The following OSBPL11 variants were observed in gnomAD, a reference collection of about 807,000 sequenced individuals.
OSBPL11 encodes oxysterol-binding protein-related protein 11.
Under a neutral mutation model 84.4 loss-of-function variants are expected in OSBPL11, and 33 were observed. That is an observed-to-expected ratio of 0.39 (90% CI 0.30 to 0.52). The LOEUF is 0.52. OSBPL11 is among the 20% of genes least tolerant of loss of function. The probability of loss-of-function intolerance (pLI) is 0.72; values close to 1 mark genes in which losing one functional copy is unlikely to be tolerated. For missense variants in OSBPL11, 736 were observed against 901.1 expected, an observed-to-expected ratio of 0.82 and a Z score of 2.35; for synonymous variants, 276 against 310.2, an observed-to-expected ratio of 0.89 and a Z score of 1.16.
chr3:125,549,900 A>AAT (rs1935874558), intron 9 of OSBPL11, among the ~76,000 whole-genome samples: 1 of 152,134 alleles, frequency 6.6e-6, no homozygotes, highest in East Asian at 1.9e-4. Context: ...AGTGTCAAAG[A>AAT]ATATGGTTCT....
intron 5 of OSBPL11, among the ~76,000 whole-genome samples, chr3:125,575,399 T>C (rs1372813246): frequency 1.3e-5 from 2 of 152,154 alleles, no homozygotes; most frequent in African/African-American, 4.8e-5. Context: ...TTGTTTGTTT[T>C]GTTTTGTTTT....
At chr3:125,585,719 G>C (rs1936499264) in intron 1 of OSBPL11, among the ~76,000 whole-genome samples, 1 of 152,158 alleles carries the variant, frequency 6.6e-6, no homozygotes, top group African/African-American at 2.4e-5. Context: ...GGAACAGCTG[G>C]TTGCAATGTC....
intron 10 of OSBPL11, among the ~76,000 whole-genome samples, chr3:125,542,761 C>A (rs114156289): frequency 1.3e-5 from 2 of 152,102 alleles, no homozygotes; most frequent in Non-Finnish European, 1.5e-5. Context: ...CTACCCGCCT[C>A]GGCCTGACAA....
intron 5 of OSBPL11, 98 bp downstream of exon 5, chr3:125,576,091 G>A (rs1936317402): frequency 2.0e-6 from 2 of 1,012,492 alleles, no homozygotes; most frequent in South Asian, 1.5e-5. Context: ...AACAATGAAG[G>A]CCCTTGAAGA....
intron 12 of OSBPL11, 29 bp from the exon 13 acceptor site, chr3:125,530,609 T>C (rs1935542309): frequency 6.4e-7 from 1 of 1,565,658 alleles, no homozygotes; most frequent in Admixed American, 1.7e-5. Flanking sequence ...TAAAGAATCA[T>C]CCCTCTAATA....
chr3:125,576,077 A>T, intron 5 of OSBPL11, 112 bp downstream of exon 5: 1 of 910,048 alleles, frequency 1.1e-6, no homozygotes, highest in Non-Finnish European at 1.7e-6. Flanking sequence ...CATACTAGAT[A>T]GGAAACAATG....
At chr3:125,561,100 C>T (rs549509374) in intron 7 of OSBPL11, among the ~76,000 whole-genome samples, 9 of 152,110 alleles carry the variant, frequency 5.9e-5, no homozygotes, top group Admixed American at 2.0e-4. Context: ...TGGGTTCAAG[C>T]GATTCTCCTG....
intron 5 of OSBPL11, among the ~76,000 whole-genome samples, chr3:125,575,218 G>C (rs1936303956): frequency 6.6e-6 from 1 of 151,916 alleles, no homozygotes; most frequent in African/African-American, 2.4e-5. Context: ...TTAATATTTA[G>C]AACTTAACAA....
intron 1 of OSBPL11, among the ~76,000 whole-genome samples, chr3:125,589,022 C>T (rs959998179): frequency 6.6e-6 from 1 of 152,182 alleles, no homozygotes; most frequent in African/African-American, 2.4e-5. Flanking sequence ...TAGAATTTCA[C>T]TTTTAGGTAT....
intron 1 of OSBPL11, among the ~76,000 whole-genome samples, chr3:125,585,910 C>T (rs1047039196): frequency 6.6e-6 from 1 of 152,154 alleles, no homozygotes; most frequent in East Asian, 1.9e-4. Flanking sequence ...CACAGTATCT[C>T]TAACTCTCAT....
rs925800255 is a variant in OSBPL11, at chr3:125,595,105, G to C, written c.-305C>G. On this transcript the variant is annotated 5_prime_UTR_variant, in exon 1 of 13. Coordinates refer to ENST00000296220, the MANE Select transcript of OSBPL11 (RefSeq NM_022776.5). ...AGACTTAAGTGACATACTCAAAAGA[G>C]AAGGAGTGTGGGGAGGTCGCAGATT... 30 of 252,452 alleles carry C rather than the reference G, an allele frequency of 1.2e-4. No homozygotes were observed. The highest frequency in any genetic ancestry group is 6.4e-4 in the African/African-American group (29 of 45,328). 15.6% of individuals were successfully genotyped at this position (252,452 alleles called of 1,614,324 possible). A position where few individuals can be genotyped will look rare whatever the true frequency, so the allele number is the denominator to read the frequency against.
Position 125,529,379 on chromosome 3 carries a change from A to G in OSBPL11, c.*1136T>C, listed in dbSNP as rs946097021. 1 of 152,136 alleles carries G rather than the reference A, an allele frequency of 6.6e-6. No individual in the cohort carries two copies. The highest frequency in any genetic ancestry group is 1.5e-5 in the Non-Finnish European group (1 of 68,036). The allele number at this position is 152,136 out of a possible 1,614,324, so 9.4% of individuals were successfully genotyped here. A position where few individuals can be genotyped will look rare whatever the true frequency, so the allele number is the denominator to read the frequency against. On this transcript the variant is annotated 3_prime_UTR_variant, in exon 13 of 13. Coordinates refer to ENST00000296220, the MANE Select transcript of OSBPL11 (RefSeq NM_022776.5). The stretch of plus-strand genomic sequence containing the variant: ...TATTTAAAAAAAGATTTGTACCTGA[A>G]TACAACTTCCTGATCTTTTTTTCCT...
chr3:125,571,586 G>A (rs573114950), intron 5 of OSBPL11, among the ~76,000 whole-genome samples: 2 of 151,968 alleles, frequency 1.3e-5, no homozygotes, highest in African/African-American at 4.8e-5. Context: ...TAGAGACTTG[G>A]TGCCCTGTGT....
chr3:125,543,647 T>C (rs1935767593), intron 10 of OSBPL11, among the ~76,000 whole-genome samples: 1 of 151,990 alleles, frequency 6.6e-6, no homozygotes, highest in Non-Finnish European at 1.5e-5. Flanking sequence ...ACACCTGTAA[T>C]CCCAGCACTT....
chr3:125,590,566 T>G (rs1316535096), intron 1 of OSBPL11, among the ~76,000 whole-genome samples: 1 of 151,790 alleles, frequency 6.6e-6, no homozygotes, highest in Non-Finnish European at 1.5e-5. Flanking sequence ...AAAAAAAAAT[T>G]TTTTTTTTCA....
chr3:125,591,669 C>T (rs1407358761), intron 1 of OSBPL11, among the ~76,000 whole-genome samples: 3 of 152,160 alleles, frequency 2.0e-5, no homozygotes, highest in Non-Finnish European at 4.4e-5. Context: ...CACTGAGATT[C>T]CTGACCCAAA....
chr3:125,551,901 ACT>A (rs1276023040), intron 9 of OSBPL11, among the ~76,000 whole-genome samples: 1 of 152,134 alleles, frequency 6.6e-6, no homozygotes, highest in Non-Finnish European at 1.5e-5. Context: ...ATTCTGGAAC[ACT>A]CTAGAAATTG....
chr3:125,583,581 C>CAAAAA (rs57151123), intron 1 of OSBPL11, among the ~76,000 whole-genome samples: 10 of 44,918 alleles, frequency 2.2e-4, no homozygotes, highest in Non-Finnish European at 3.5e-4. Flanking sequence ...ACTCCGTCTC[C>CAAAAA]AAAAAAAAAA....
intron 6 of OSBPL11, among the ~76,000 whole-genome samples, chr3:125,566,498 T>C (rs1216146943): frequency 6.6e-6 from 1 of 152,166 alleles, no homozygotes; most frequent in African/African-American, 2.4e-5. Flanking sequence ...GTCCATCCTA[T>C]ATCCATCTGA....
Sources: allele counts gnomAD v4.1 joint callset (sites outside exome capture counted in the v4.1 genomes callset), GRCh38; gene constraint gnomAD v4.1.1; transcripts MANE v1.5; gene names NCBI Gene and HGNC (gene_info 2026-07-23, HGNC 2026-07-21).